The following RBM34 variants were observed in gnomAD, a reference collection of about 807,000 sequenced individuals.
RBM34 encodes the protein RNA-binding protein 34.
In RBM34, 39 loss-of-function variants were observed where a neutral mutation model predicts 44.6. The ratio of observed to expected loss-of-function variants is 0.87; its 90% CI spans 0.68 to 1.14. The LOEUF (loss-of-function observed/expected upper bound fraction) is 1.14, where lower values mean the gene tolerates loss of function less well. RBM34 is among the 50% of genes most tolerant of loss of function. The probability of loss-of-function intolerance (pLI) is 0.00; values close to 1 mark genes in which losing one functional copy is unlikely to be tolerated. For missense variants in RBM34, 572 were observed against 517.9 expected, an observed-to-expected ratio of 1.10 and a Z score of -1.01; for synonymous variants, 194 against 184.0, an observed-to-expected ratio of 1.05 and a Z score of -0.44.
chr1:235,147,685 A>G (rs1178194491), intron 6 of RBM34, among the ~76,000 whole-genome samples: 2 of 152,228 alleles, frequency 1.3e-5, no homozygotes, highest in African/African-American at 2.4e-5. Context: ...GTCCAAAGGG[A>G]CTGTTGCCAT....
At chr1:235,141,020 G>A (rs958214698) in intron 6 of RBM34, among the ~76,000 whole-genome samples, 4 of 151,108 alleles carry the variant, frequency 2.6e-5, no homozygotes, top group Middle Eastern at 3.4e-3. Context: ...TGCACCAATC[G>A]ACACTCAGTA....
At chr1:235,135,234 T>C (rs1661372173) in intron 10 of RBM34, among the ~76,000 whole-genome samples, 1 of 143,506 alleles carries the variant, frequency 7.0e-6, no homozygotes, top group South Asian at 2.2e-4. Flanking sequence ...TTGTATTTTT[T>C]TTTTTCCCCC....
intron 5 of RBM34, among the ~76,000 whole-genome samples, 190 bp from the exon 6 acceptor site, chr1:235,148,637 C>T (rs1662016650): frequency 6.6e-6 from 1 of 150,802 alleles, no homozygotes; most frequent in African/African-American, 2.4e-5. Context: ...CTCACACTGT[C>T]ACCCAGGCTG....
At chr1:235,155,845 A>AC (rs1295352588) in intron 3 of RBM34, among the ~76,000 whole-genome samples, 1 of 28,006 alleles carries the variant, frequency 3.6e-5, no homozygotes, top group African/African-American at 1.4e-4. Context: ...ATATATATAT[A>AC]TATATATATA....
intron 6 of RBM34, among the ~76,000 whole-genome samples, chr1:235,143,744 A>C (rs1302266057): frequency 6.6e-6 from 1 of 152,108 alleles, no homozygotes; most frequent in African/African-American, 2.4e-5. Flanking sequence ...TCACAATACA[A>C]TACAGTACAA....
At chr1:235,158,837 G>C (rs916805617) in intron 3 of RBM34, among the ~76,000 whole-genome samples, 1 of 152,086 alleles carries the variant, frequency 6.6e-6, no homozygotes, top group Non-Finnish European at 1.5e-5. Flanking sequence ...CGTTATGCTG[G>C]CCGGGCATGG....
chr1:235,159,547 C>CAA (rs1184312990), intron 3 of RBM34, among the ~76,000 whole-genome samples: 10 of 89,868 alleles, frequency 1.1e-4, no homozygotes, highest in Admixed American at 1.2e-4. Context: ...GACTCCAGCT[C>CAA]AAAAAAAAAA....
At chr1:235,150,914 C>T (rs137939672) in intron 5 of RBM34, among the ~76,000 whole-genome samples, 6 of 151,992 alleles carry the variant, frequency 3.9e-5, no homozygotes, top group African/African-American at 1.4e-4. Flanking sequence ...TAGCAGGCCC[C>T]GTGAGGGGTG....
In RBM34 at chr1:235,136,071, T is replaced by C; in HGVS notation, c.852A>G (p.Arg284=). 6.3e-7 allele frequency: 1 copy of C among 1,599,566 alleles called. No homozygotes were observed. Among genetic ancestry groups the C allele is most frequent in the Non-Finnish European group, 8.6e-7 (1 of 1,169,306 alleles). ...TCCCCACAAAAACCGATCTCTTGTC[T>C]CTCTGAAACAAAAAGACAGTTAATA... is the stretch of plus-strand genomic sequence containing the variant. ...RVDLASETSS[R]DKRSVFVGNL... The change falls in exon 9 of 11, where the codon AGA becomes AGG. Residue 284 remains arginine, a splice_region_variant and synonymous_variant. Transcript: ENST00000408888.
At chr1:235,147,440 A>G (rs903261198) in intron 6 of RBM34, among the ~76,000 whole-genome samples, 1 of 152,208 alleles carries the variant, frequency 6.6e-6, no homozygotes, top group Admixed American at 6.5e-5. Flanking sequence ...GTATGACTCA[A>G]AAAGAAGGGT....
rs773553793 is a variant in RBM34, at chr1:235,160,607, C to A, written c.269G>T (p.Ser90Ile). 2.5e-6 allele frequency: 4 copies of A among 1,613,452 alleles called. No homozygotes were observed. Among genetic ancestry groups the A allele is most frequent in the Middle Eastern group, 1.6e-4 (1 of 6,062 alleles). The change falls in exon 3 of 11, where the codon AGT (serine) becomes ATT (isoleucine). Residue 90 changes from serine to isoleucine, a missense_variant. By Grantham distance (142) the Ser-to-Ile change is moderately radical (BLOSUM62 -2). Transcript: ENST00000408888. ...KKTKRNEEEE[S>I]TSQIERPLSQ... ...AAGTGGTCTTTCAATCTGGGATGTACTTTCTTCCTCCTCATTCCGTTTCGT... is the reference window on the plus strand; with the variant it reads ...AAGTGGTCTTTCAATCTGGGATGTAATTTCTTCCTCCTCATTCCGTTTCGT...
At chr1:235,153,262 C>CAA (rs35089184) in intron 4 of RBM34, among the ~76,000 whole-genome samples, 73 of 129,804 alleles carry the variant, frequency 5.6e-4, no homozygotes, top group African/African-American at 1.6e-3. Context: ...GACTCTGTCT[C>CAA]AAAAAAAAAA....
At chr1:235,157,100 G>A (rs113684160) in intron 3 of RBM34, among the ~76,000 whole-genome samples, 5 of 152,192 alleles carry the variant, frequency 3.3e-5, no homozygotes, top group African/African-American at 9.7e-5. Flanking sequence ...AGTGTTACAC[G>A]AAAGTGCTTA....
chr1:235,153,250 G>A (rs1339922886), intron 4 of RBM34, among the ~76,000 whole-genome samples: 2 of 148,542 alleles, frequency 1.3e-5, no homozygotes, highest in African/African-American at 2.5e-5. Context: ...TGAAACTTGT[G>A]AGACTCTGTC....
At chr1:235,140,490 G>A (rs934618815) in intron 6 of RBM34, among the ~76,000 whole-genome samples, 3 of 152,232 alleles carry the variant, frequency 2.0e-5, no homozygotes, top group East Asian at 1.9e-4. Context: ...ACCCACTGGC[G>A]CTACGCTCGA....
rs771509030 is a variant in RBM34, at chr1:235,161,180, T to A, written c.47A>T (p.Gln16Leu). 1 of 1,607,146 alleles carries A rather than the reference T, an allele frequency of 6.2e-7. No individual in the cohort carries two copies. Among genetic ancestry groups the A allele is most frequent in the East Asian group, 2.2e-5 (1 of 44,742 alleles). The change falls in exon 1 of 11, where the codon CAG becomes CTG. Residue 16 changes from glutamine to leucine, a missense_variant. Physicochemically the swap from Gln to Leu is moderately radical, Grantham distance 113. Transcript: ENST00000408888. ...MSKRKRKRSVQEGENPDDGVR... is the reference protein window; with the variant it reads ...MSKRKRKRSVLEGENPDDGVR... ...CGTGCCGCGCGCCACTCACCCCTCC[T>A]GGACACTTCTCTTTCTCTTCCGTTT... is the stretch of plus-strand genomic sequence containing the variant.
intron 9 of RBM34, 61 bp downstream of exon 9, chr1:235,135,968 ACTCAG>A (rs1485535455): frequency 7.6e-5 from 104 of 1,360,910 alleles, no homozygotes; most frequent in Admixed American, 1.5e-4. Context: ...TTAAGTTACT[ACTCAG>A]TTCTTATTTC....
chr1:235,160,797 C>G (rs1017188200), intron 2 of RBM34, 96 bp downstream of exon 2: 38 of 1,535,530 alleles, frequency 2.5e-5, no homozygotes, highest in Non-Finnish European at 3.3e-5. Context: ...CCTGTCTGCC[C>G]CCTTTAGAAA....
At chr1:235,148,625 G>A (rs1229048736) in intron 5 of RBM34, among the ~76,000 whole-genome samples, 178 bp from the exon 6 acceptor site, 1 of 149,816 alleles carries the variant, frequency 6.7e-6, no homozygotes, top group Non-Finnish European at 1.5e-5. Context: ...TTGAGATGGA[G>A]TCTCACACTG....
Sources: gnomAD v4.1 joint callset for allele counts (sites outside exome capture counted in the v4.1 genomes callset) on GRCh38, gnomAD v4.1.1 for gene constraint, MANE v1.5 for transcripts, NCBI Gene and HGNC (gene_info 2026-07-23, HGNC 2026-07-21) for gene names.